Variants in DPP10 observed in about 807,000 individuals in gnomAD.
DPP10 encodes the protein dipeptidyl peptidase like 10, also known as inactive dipeptidyl peptidase 10.
A neutral mutation model predicts 120.9 loss-of-function variants in DPP10; 33 were observed. The observed-to-expected ratio is 0.27, with a 90% CI of 0.21 to 0.37. The LOEUF is 0.37. Ranked by LOEUF, DPP10 falls within the 10% of genes least tolerant of loss-of-function variation. The pLI, the probability that DPP10 is intolerant of heterozygous loss-of-function variation, is 1.00. For missense variants in DPP10, 816 were observed against 942.8 expected, an observed-to-expected ratio of 0.87 and a Z score of 1.76; for synonymous variants, 337 against 326.1, an observed-to-expected ratio of 1.03 and a Z score of -0.36.
intron 5 of DPP10, among the ~76,000 whole-genome samples, chr2:115,623,503 G>T (rs1015250159): frequency 6.6e-6 from 1 of 152,022 alleles, no homozygotes; most frequent in Non-Finnish European, 1.5e-5. Flanking sequence ...TATTTATTCG[G>T]TATAGTTGTG....
chr2:115,238,150 A>G (rs1185105191), intron 1 of DPP10, among the ~76,000 whole-genome samples: 1 of 152,168 alleles, frequency 6.6e-6, no homozygotes, highest in African/African-American at 2.4e-5. Context: ...TTAGAGGCTG[A>G]TGGAGCTGAC....
intron 13 of DPP10, among the ~76,000 whole-genome samples, chr2:115,769,327 G>A (rs571124872): frequency 2.6e-4 from 39 of 152,074 alleles, no homozygotes; most frequent in African/African-American, 8.9e-4. Context: ...CTAATTTTAT[G>A]TTTTTAGAAC....
intron 1 of DPP10, among the ~76,000 whole-genome samples, chr2:114,671,987 A>G (rs1264009062): frequency 6.6e-6 from 1 of 152,114 alleles, no homozygotes; most frequent in Non-Finnish European, 1.5e-5. Flanking sequence ...GAATATTTGC[A>G]TATTGTAAGT....
intron 1 of DPP10, among the ~76,000 whole-genome samples, chr2:114,919,209 A>G (rs56275332): frequency 0.22 from 32,833 of 152,078 alleles, 3,639 homozygotes; most frequent in East Asian, 0.27. Flanking sequence ...TAAAATATAT[A>G]TGAGGCATAA....
In DPP10 at chr2:114,841,249, A is replaced by G. The variant is rs116757579; in HGVS notation, c.60+398411A>G. The stretch of plus-strand genomic sequence containing the variant: ...TTTTCCCCTTCATGTTGGTTTGTAG[A>G]TGTATTCTCAGATCAAATACTATTG... On this transcript the variant is annotated intron_variant, in intron 1 of 25. Coordinates refer to ENST00000410059, the MANE Select transcript of DPP10 (RefSeq NM_020868.6). Among the ~76,000 whole-genome samples the G allele has an allele frequency of 5.7e-3, 866 of 152,302 alleles. 7 individuals carry two copies. The highest frequency in any genetic ancestry group is 0.02 in the African/African-American group (839 of 41,578).
rs1558813809 is a variant in DPP10, at chr2:114,497,258, T to TGCGTATACATGTAC, written c.60+54421_60+54422insCGTATACATGTACG. Among the ~76,000 whole-genome samples the TGCGTATACATGTAC allele has an allele frequency of 4.3e-4, 47 of 108,242 alleles. 1 individual carries two copies. Among genetic ancestry groups the TGCGTATACATGTAC allele is most frequent in the African/African-American group, 1.6e-3 (45 of 28,070 alleles). The allele number at this position is 108,242 out of a possible 152,430, so 71.0% of individuals were successfully genotyped here. ...GCGTATACATGTGTATGCATGTACG[T>TGCGTATACATGTAC]GTGTATACATGTACATGTATACGTG... On this transcript the variant is annotated intron_variant, in intron 1 of 25. Transcript: ENST00000410059.
chr2:115,725,820 C>T (rs1465673254), intron 7 of DPP10, among the ~76,000 whole-genome samples: 6 of 152,036 alleles, frequency 3.9e-5, no homozygotes, highest in African/African-American at 4.8e-5. Flanking sequence ...ATAAGGAAAA[C>T]GTTGTGCACC....
chr2:115,042,106 A>G (rs906864280), intron 1 of DPP10, among the ~76,000 whole-genome samples: 5 of 147,490 alleles, frequency 3.4e-5, no homozygotes, highest in Non-Finnish European at 5.9e-5. Flanking sequence ...AAGCTTTGGC[A>G]CCTACCTGCT....
At chr2:115,651,526 C>A (rs1476269928) in intron 5 of DPP10, among the ~76,000 whole-genome samples, 1 of 151,952 alleles carries the variant, frequency 6.6e-6, no homozygotes, top group Non-Finnish European at 1.5e-5. Flanking sequence ...TCGAAAGAAA[C>A]AGAGGAGATG....
intron 1 of DPP10, among the ~76,000 whole-genome samples, chr2:114,798,983 G>A (rs1225286100): frequency 6.6e-6 from 1 of 152,010 alleles, no homozygotes; most frequent in African/African-American, 2.4e-5. Context: ...ACAAAAAATA[G>A]CCAGGCATGG....
chr2:115,371,537 T>C (rs2065411493), intron 3 of DPP10, among the ~76,000 whole-genome samples: 1 of 152,180 alleles, frequency 6.6e-6, no homozygotes, highest in Non-Finnish European at 1.5e-5. Context: ...TGTATATTGA[T>C]TGTTCTGCCC....
intron 7 of DPP10, among the ~76,000 whole-genome samples, chr2:115,698,395 C>A (rs1167198371): frequency 6.6e-6 from 1 of 152,172 alleles, no homozygotes; most frequent in African/African-American, 2.4e-5. Context: ...ATACTTACTG[C>A]TGTGGAATTA....
chr2:115,581,593 A>G (rs1209060973), intron 5 of DPP10, among the ~76,000 whole-genome samples: 8 of 152,186 alleles, frequency 5.3e-5, no homozygotes, highest in Admixed American at 2.6e-4. Context: ...GCCCTATAAA[A>G]TTATAGGTAT....
chr2:114,916,734 A>G (rs1259550664), intron 1 of DPP10, among the ~76,000 whole-genome samples: 1 of 152,234 alleles, frequency 6.6e-6, no homozygotes, highest in Non-Finnish European at 1.5e-5. Flanking sequence ...GATTATCTCA[A>G]TAAATGCTGA....
chr2:114,896,475 G>A (rs1167374709), intron 1 of DPP10, among the ~76,000 whole-genome samples: 1 of 151,960 alleles, frequency 6.6e-6, no homozygotes, highest in Non-Finnish European at 1.5e-5. Context: ...GGATTCCTAG[G>A]TATTTTATTC....
intron 3 of DPP10, among the ~76,000 whole-genome samples, chr2:115,375,731 T>C (rs2065745471): frequency 6.6e-6 from 1 of 152,136 alleles, no homozygotes; most frequent in African/African-American, 2.4e-5. Flanking sequence ...GTCAGGAAAC[T>C]TGCAATTATA....
At chr2:114,593,272 C>T (rs1380875634) in intron 1 of DPP10, among the ~76,000 whole-genome samples, 6 of 152,154 alleles carry the variant, frequency 3.9e-5, no homozygotes, top group African/African-American at 1.4e-4. Context: ...CTGTAAGGAA[C>T]TCTACCAATG....
chr2:115,003,100 T>C (rs752491891), intron 1 of DPP10, among the ~76,000 whole-genome samples: 48 of 149,698 alleles, frequency 3.2e-4, no homozygotes, highest in Non-Finnish European at 5.9e-4. Flanking sequence ...AGCAAAGACA[T>C]GAGCTCAACC....
chr2:115,065,901 G>A (rs1573483601), intron 1 of DPP10, among the ~76,000 whole-genome samples: 1 of 152,128 alleles, frequency 6.6e-6, no homozygotes, highest in African/African-American at 2.4e-5. Flanking sequence ...GTGTATCTGA[G>A]TTTGGTAGAT....
Sources: allele counts gnomAD v4.1 joint callset (sites outside exome capture counted in the v4.1 genomes callset), GRCh38; gene constraint gnomAD v4.1.1; transcripts MANE v1.5; gene names NCBI Gene and HGNC (gene_info 2026-07-23, HGNC 2026-07-21).